Variants in ZMAT4 observed in about 807,000 individuals in gnomAD.
ZMAT4 encodes zinc finger matrin-type protein 4.
Under a neutral mutation model 28.7 loss-of-function variants are expected in ZMAT4, and 17 were observed. That is an observed-to-expected ratio of 0.59 (90% CI 0.41 to 0.89). The LOEUF is 0.89. Ranked by LOEUF, ZMAT4 falls within the 40% of genes least tolerant of loss-of-function variation. ZMAT4 has a pLI of 0.00. For synonymous variants in ZMAT4, 117 were observed against 109.2 expected (o/e 1.07, Z -0.44); for missense variants, 240 against 283.8 (o/e 0.85, Z 1.11).
At chr8:40,576,909 G>A (rs1408813535) in intron 6 of ZMAT4, among the ~76,000 whole-genome samples, 1 of 152,126 alleles carries the variant, frequency 6.6e-6, no homozygotes, top group African/African-American at 2.4e-5. Flanking sequence ...TTTAAGAAAT[G>A]GTGGCTGGGT....
chr8:40,746,978 T>A (rs935085742), intron 3 of ZMAT4, among the ~76,000 whole-genome samples: 5 of 152,074 alleles, frequency 3.3e-5, no homozygotes, highest in Non-Finnish European at 5.9e-5. Context: ...AGGCTGGTGA[T>A]CTCTCCCCAC....
chr8:40,770,255 C>A (rs1813332732), intron 2 of ZMAT4, among the ~76,000 whole-genome samples: 2 of 152,202 alleles, frequency 1.3e-5, no homozygotes, highest in Admixed American at 1.3e-4. Flanking sequence ...GCTTTCCCTG[C>A]CCACAACTTC....
chr8:40,645,416 T>C (rs1188798761), intron 5 of ZMAT4, among the ~76,000 whole-genome samples: 7 of 152,140 alleles, frequency 4.6e-5, no homozygotes, highest in Non-Finnish European at 1.5e-5. Flanking sequence ...TTAAGGAAGT[T>C]TTGTTTGATG....
intron 3 of ZMAT4, among the ~76,000 whole-genome samples, chr8:40,706,839 G>C (rs574761951): frequency 3.9e-4 from 60 of 152,198 alleles, no homozygotes; most frequent in African/African-American, 1.4e-3. Flanking sequence ...GGATGCTGCA[G>C]GTAAGTGAAG....
chr8:40,854,781 A>C (rs1817236967), intron 1 of ZMAT4, among the ~76,000 whole-genome samples: 1 of 152,132 alleles, frequency 6.6e-6, no homozygotes, highest in Non-Finnish European at 1.5e-5. Flanking sequence ...GGAAAGGCAA[A>C]AGCCCCTGCC....
chr8:40,653,613 G>T (rs956575351), intron 5 of ZMAT4, among the ~76,000 whole-genome samples: 1 of 152,006 alleles, frequency 6.6e-6, no homozygotes. Context: ...AAATAGAAAG[G>T]ATTGTTAGTT....
intron 1 of ZMAT4, among the ~76,000 whole-genome samples, chr8:40,849,085 C>G (rs1817009993): frequency 6.6e-6 from 1 of 152,242 alleles, no homozygotes; most frequent in African/African-American, 2.4e-5. Flanking sequence ...CCATCCCATG[C>G]TGGCATCAGA....
At chr8:40,873,654 C>T (rs931250656) in intron 1 of ZMAT4, among the ~76,000 whole-genome samples, 1 of 152,206 alleles carries the variant, frequency 6.6e-6, no homozygotes, top group Non-Finnish European at 1.5e-5. Flanking sequence ...AGCCCCCACA[C>T]CTGCCTGCCA....
At chr8:40,806,700 G>A (rs188201066) in intron 2 of ZMAT4, among the ~76,000 whole-genome samples, 9 of 152,130 alleles carry the variant, frequency 5.9e-5, no homozygotes, top group East Asian at 3.9e-4. Context: ...CATCTGTATT[G>A]CTACATACAT....
chr8:40,727,100 G>A (rs1328097427), intron 3 of ZMAT4, among the ~76,000 whole-genome samples: 1 of 152,132 alleles, frequency 6.6e-6, no homozygotes, highest in African/African-American at 2.4e-5. Context: ...AAAGGGAGAG[G>A]GAATTTAGCT....
chr8:40,759,885 C>T (rs774672178), intron 3 of ZMAT4, among the ~76,000 whole-genome samples: 18 of 152,188 alleles, frequency 1.2e-4, no homozygotes, highest in Admixed American at 2.0e-4. Flanking sequence ...ATCTTATTTA[C>T]CTATTGACAA....
intron 3 of ZMAT4, among the ~76,000 whole-genome samples, chr8:40,766,051 G>A (rs902699080): frequency 1.3e-5 from 2 of 152,232 alleles, no homozygotes; most frequent in Admixed American, 6.5e-5. Flanking sequence ...ATGTGCCTAC[G>A]AAATTGGTAT....
intron 1 of ZMAT4, among the ~76,000 whole-genome samples, chr8:40,897,237 A>G (rs906180384): frequency 7.9e-5 from 12 of 152,282 alleles, no homozygotes; most frequent in African/African-American, 2.6e-4. Flanking sequence ...GAAGGTCACA[A>G]TAGTTTGGGG....
intron 1 of ZMAT4, among the ~76,000 whole-genome samples, chr8:40,896,159 G>A (rs916819510): frequency 6.6e-6 from 1 of 152,202 alleles, no homozygotes; most frequent in Admixed American, 6.5e-5. Flanking sequence ...CCTACAGGAG[G>A]TGGAGGAGAA....
chr8:40,574,020 C>A (rs1453016520), intron 6 of ZMAT4, among the ~76,000 whole-genome samples: 3 of 152,168 alleles, frequency 2.0e-5, no homozygotes, highest in African/African-American at 7.2e-5. Context: ...TAATCACTGG[C>A]ACCTGAATAC....
chr8:40,538,791 T>G (rs970316596), intron 6 of ZMAT4, among the ~76,000 whole-genome samples: 1 of 152,162 alleles, frequency 6.6e-6, no homozygotes, highest in African/African-American at 2.4e-5. Context: ...TCTCTTTTTT[T>G]TTGTTTTTTG....
At chr8:40,620,744 G>C (rs986707641) in intron 5 of ZMAT4, among the ~76,000 whole-genome samples, 6 of 152,128 alleles carry the variant, frequency 3.9e-5, no homozygotes, top group African/African-American at 1.4e-4. Context: ...GCCCTGGTAG[G>C]TTGTAATTCT....
At chr8:40,691,535 C>T (rs1210804034) in intron 4 of ZMAT4, among the ~76,000 whole-genome samples, 1 of 152,080 alleles carries the variant, frequency 6.6e-6, no homozygotes, top group African/African-American at 2.4e-5. Context: ...CAATTCCACA[C>T]ATGTCTGGGA....
chr8:40,605,771 T>C (rs1046346328), intron 5 of ZMAT4, among the ~76,000 whole-genome samples: 3 of 152,158 alleles, frequency 2.0e-5, no homozygotes, highest in Non-Finnish European at 4.4e-5. Context: ...TATTGAAATT[T>C]CCCATTATTA....
Sources: gnomAD v4.1 joint callset for allele counts (sites outside exome capture counted in the v4.1 genomes callset) on GRCh38, gnomAD v4.1.1 for gene constraint, MANE v1.5 for transcripts, NCBI Gene and HGNC (gene_info 2026-07-23, HGNC 2026-07-21) for gene names.